The following ACER1 variants were observed in gnomAD, a reference collection of about 807,000 sequenced individuals.
ACER1 encodes alkaline ceramidase 1.
A neutral mutation model predicts 24.9 loss-of-function variants in ACER1; 28 were observed. The observed-to-expected ratio is 1.13, with a 90% CI of 0.83 to 1.54. The LOEUF (loss-of-function observed/expected upper bound fraction) is 1.54. Among genes scored for constraint, ACER1 ranks in the 40% most tolerant of loss-of-function variants. The pLI is 0.00. For missense variants in ACER1, 352 were observed against 349.3 expected (o/e 1.01, Z -0.06); for synonymous variants, 132 against 131.4 (o/e 1.00, Z -0.03).
At chr19:6,335,961 C>T (rs931850381), upstream of ACER1, among the ~76,000 whole-genome samples, 10 of 150,016 alleles carry the variant, frequency 6.7e-5, no homozygotes, top group Admixed American at 1.3e-4. Flanking sequence ...AGTGCAATGG[C>T]ATGATCTCAG....
chr19:6,338,964 GC>G, the ACER1 span, among the ~76,000 whole-genome samples: 1 of 150,762 alleles, frequency 6.6e-6, no homozygotes, highest in Non-Finnish European at 1.5e-5. Flanking sequence ...TGCAACCTCC[GC>G]CTCCTGGGTT....
At chr19:6,329,305 ACT>A (rs948620282) in intron 1 of ACER1, among the ~76,000 whole-genome samples, 101 of 151,218 alleles carry the variant, frequency 6.7e-4, no homozygotes, top group African/African-American at 2.4e-3. Context: ...TTCTCACATA[ACT>A]CTGATTCTAT....
chr19:6,327,076 G>A (rs1364169341), intron 1 of ACER1, among the ~76,000 whole-genome samples: 1 of 152,150 alleles, frequency 6.6e-6, no homozygotes, highest in African/African-American at 2.4e-5. Context: ...GTTCTTGGGT[G>A]TTTCCTGTTT....
At chr19:6,355,503 C>T in the ACER1 span, among the ~76,000 whole-genome samples, 1 of 151,120 alleles carries the variant, frequency 6.6e-6, no homozygotes, top group Admixed American at 6.6e-5. Context: ...AGGAGCCCCT[C>T]TGCCCAGCAG....
chr19:6,329,081 A>T (rs1305545162), intron 1 of ACER1, among the ~76,000 whole-genome samples: 1 of 151,930 alleles, frequency 6.6e-6, no homozygotes, highest in East Asian at 1.9e-4. Flanking sequence ...CCAGGAGGTC[A>T]AGGCTGCAGT....
rs141700357 is a variant in ACER1 at position 6,331,340 on chromosome 19, G to A, written c.93+2119C>T. ...AATTTTTTGTATTTTTAGCACAGAC[G>A]GCATTTCACCACGTTGGCCAGGATG... On this transcript the variant is annotated intron_variant, in intron 1 of 5. Coordinates refer to ENST00000301452, the MANE Select transcript of ACER1 (RefSeq NM_133492.3). Among the ~76,000 whole-genome samples, 751 of 147,520 alleles carry A rather than the reference G, an allele frequency of 5.1e-3. 13 individuals carry two copies. The highest frequency in any genetic ancestry group is 0.015 in the South Asian group (72 of 4,706).
chr19:6,314,838 G>C (rs1224035665), intron 1 of ACER1, among the ~76,000 whole-genome samples: 2 of 152,180 alleles, frequency 1.3e-5, no homozygotes, highest in East Asian at 1.9e-4. Context: ...CCAATGATTG[G>C]ATAAAGAAGA....
At chr19:6,359,684 T>G in the ACER1 span, among the ~76,000 whole-genome samples, 1 of 152,108 alleles carries the variant, frequency 6.6e-6, no homozygotes, top group Non-Finnish European at 1.5e-5. Context: ...TCAAGTAGAC[T>G]CCCATGTGGG....
the ACER1 span, among the ~76,000 whole-genome samples, chr19:6,356,436 C>T: frequency 1.3e-5 from 2 of 149,446 alleles, no homozygotes; most frequent in Non-Finnish European, 3.0e-5. Flanking sequence ...CTGCCAAATC[C>T]CCCTCTGCGA....
At chr19:6,339,820 A>G in the ACER1 span, among the ~76,000 whole-genome samples, 4 of 150,960 alleles carry the variant, frequency 2.6e-5, no homozygotes, top group South Asian at 8.4e-4. Flanking sequence ...CCGCCACCAC[A>G]CCCGGCTAAG....
upstream of ACER1, chr19:6,333,765 G>C: frequency 2.0e-6 from 1 of 500,840 alleles, no homozygotes; most frequent in Non-Finnish European, 3.6e-6. Flanking sequence ...GACTGGCACT[G>C]TCCAGGCAGG....
At chr19:6,318,063 T>C (rs1454695612) in intron 1 of ACER1, among the ~76,000 whole-genome samples, 1 of 152,002 alleles carries the variant, frequency 6.6e-6, no homozygotes, top group African/African-American at 2.4e-5. Context: ...GGCTCACACC[T>C]GTAATCCCAG....
chr19:6,306,483 T>C lies in ACER1; in HGVS notation c.*231A>G, dbSNP rs1311470215. 2.1e-5 allele frequency: 10 copies of C among 484,140 alleles called. No individual in the cohort carries two copies. The highest frequency in any genetic ancestry group is 3.8e-5 in the African/African-American group (2 of 52,088). The allele number at this position is 484,140 out of a possible 1,614,324, so 30.0% of individuals were successfully genotyped here. ...AAATGAAAGAGGATGGGGGGGGTCATGGAGGGGAGATGCACGAGACAGCCC... is the reference window on the plus strand; with the variant it reads ...AAATGAAAGAGGATGGGGGGGGTCACGGAGGGGAGATGCACGAGACAGCCC... On this transcript the variant is annotated 3_prime_UTR_variant, in exon 6 of 6. Transcript: ENST00000301452.
At position 6,309,833 on chromosome 19, in the gene ACER1, A is replaced by G. The variant is rs912188941; in HGVS notation, c.352T>C (p.Ser118Pro). ...YFPSFLGGNR[S>P]QFIRLVFITT... ...ATGAAGACCAGGCGGATGAACTGGG[A>G]CCTGGGGAGGAAGGGGCTCAGCTGT... is the stretch of plus-strand genomic sequence containing the variant. The change falls in exon 4 of 6, where the codon TCC (serine) becomes CCC (proline). Residue 118 changes from serine to proline, a missense_variant and splice_region_variant. Physicochemically the swap from Ser to Pro is moderately conservative, Grantham distance 74. Coordinates refer to ENST00000301452, the MANE Select transcript of ACER1 (RefSeq NM_133492.3). 3.1e-6 allele frequency: 5 copies of G among 1,613,790 alleles called. No individual in the cohort carries two copies. Among genetic ancestry groups the G allele is most frequent in the Non-Finnish European group, 4.2e-6 (5 of 1,179,936 alleles).
intron 4 of ACER1, among the ~76,000 whole-genome samples, chr19:6,309,019 C>G (rs957543845): frequency 5.9e-5 from 9 of 151,584 alleles, no homozygotes; most frequent in African/African-American, 2.2e-4. Flanking sequence ...GCCAACATGA[C>G]GAAACTCCGT....
At chr19:6,342,716 C>T in the ACER1 span, among the ~76,000 whole-genome samples, 4 of 151,484 alleles carry the variant, frequency 2.6e-5, no homozygotes, top group Non-Finnish European at 5.9e-5. Flanking sequence ...AAGACTCAAT[C>T]TCAAAAAAAT....
chr19:6,317,477 A>G (rs369806412), intron 1 of ACER1, among the ~76,000 whole-genome samples: 1 of 152,190 alleles, frequency 6.6e-6, no homozygotes, highest in Non-Finnish European at 1.5e-5. Context: ...CCGTGGCCCT[A>G]GTTCAGTTGC....
chr19:6,355,391 C>T, the ACER1 span, among the ~76,000 whole-genome samples: 4 of 141,612 alleles, frequency 2.8e-5, no homozygotes, highest in Admixed American at 6.7e-5. Flanking sequence ...CGCCTCTTCC[C>T]GGCCGCGACC....
intron 1 of ACER1, among the ~76,000 whole-genome samples, chr19:6,319,459 T>G (rs1418910797): frequency 2.0e-5 from 3 of 152,142 alleles, no homozygotes; most frequent in Non-Finnish European, 4.4e-5. Flanking sequence ...TGGACCTTCT[T>G]GGTCCCAGCT....
Sources: allele counts gnomAD v4.1 joint callset (sites outside exome capture counted in the v4.1 genomes callset), GRCh38; gene constraint gnomAD v4.1.1; transcripts MANE v1.5; gene names NCBI Gene and HGNC (gene_info 2026-07-23, HGNC 2026-07-21).